ITSN1: variants seen among roughly 807,000 people sequenced by gnomAD.
The protein encoded by ITSN1 is intersectin-1.
A neutral mutation model predicts 239.8 loss-of-function variants in ITSN1; 58 were observed. The ratio of observed to expected loss-of-function variants is 0.24; its 90% CI spans 0.20 to 0.30. ITSN1 has a LOEUF of 0.30. ITSN1 is among the 10% of genes least tolerant of loss of function. ITSN1 has a pLI of 1.00. For missense variants in ITSN1, 1,558 were observed against 2,103.3 expected (o/e 0.74, Z 5.07); for synonymous variants, 780 against 770.8 (o/e 1.01, Z -0.20).
Position 33,794,466 on chromosome 21 carries a change from A to C in ITSN1, c.1950A>C (p.Gln650His), listed in dbSNP as rs1160518695. The stretch of plus-strand genomic sequence containing the variant: ...TAGAAAAACAAAAAGAAGAAGCCCA[A>C]AGGTGAGTCTTCTTTGGATTGTGGA... ...IELEKQKEEA[Q>H]RRAQERDKQW... The change falls in exon 17 of 40, where the codon CAA becomes CAC. Residue 650 changes from glutamine (Q) to histidine (H), a missense_variant and splice_region_variant. By Grantham distance (24) the Gln-to-His change is conservative. Around this residue, in one of 2 missense-constraint regions of ITSN1, gnomAD observed 982 missense variants for 1,209.9 expected, o/e 0.81. Coordinates refer to ENST00000381318, the MANE Select transcript of ITSN1 (RefSeq NM_003024.3). 16 of 1,610,652 alleles carry C rather than the reference A, an allele frequency of 9.9e-6. No individual in the cohort carries two copies. The highest frequency in any genetic ancestry group is 1.3e-5 in the Non-Finnish European group (15 of 1,178,980).
At chr21:33,705,648 T>A (rs1164925343) in intron 1 of ITSN1, among the ~76,000 whole-genome samples, 1 of 152,118 alleles carries the variant, frequency 6.6e-6, no homozygotes, top group Non-Finnish European at 1.5e-5. Context: ...CGCCTCAGCC[T>A]CCCAAAGTGC....
intron 1 of ITSN1, among the ~76,000 whole-genome samples, chr21:33,714,799 T>C (rs1003990583): frequency 1.3e-5 from 2 of 152,194 alleles, no homozygotes; most frequent in Non-Finnish European, 1.5e-5. Context: ...TGTTGCATAG[T>C]ATTATGTATA....
chr21:33,856,439 G>C (rs1979358181), intron 29 of ITSN1, among the ~76,000 whole-genome samples: 1 of 152,202 alleles, frequency 6.6e-6, no homozygotes, highest in Admixed American at 6.5e-5. Context: ...GGTTCTGCCT[G>C]TCTGTCTCTG....
chr21:33,738,891 C>T (rs1237180401), intron 5 of ITSN1, among the ~76,000 whole-genome samples: 2 of 151,966 alleles, frequency 1.3e-5, no homozygotes, highest in Admixed American at 6.6e-5. Context: ...AACTCCTAGG[C>T]TCAAGCGTTC....
intron 1 of ITSN1, among the ~76,000 whole-genome samples, chr21:33,672,983 A>G (rs1381363627): frequency 1.3e-5 from 2 of 152,176 alleles, no homozygotes; most frequent in African/African-American, 2.4e-5. Context: ...TGGTAGGATT[A>G]CGGGCGGGAG....
intron 1 of ITSN1, among the ~76,000 whole-genome samples, chr21:33,685,148 C>G (rs532421211): frequency 1.3e-5 from 2 of 152,238 alleles, no homozygotes; most frequent in African/African-American, 4.8e-5. Flanking sequence ...CAATAGAAAC[C>G]ATTTACTCTT....
intron 16 of ITSN1, among the ~76,000 whole-genome samples, chr21:33,789,452 G>A (rs1021686348): frequency 1.1e-4 from 17 of 152,064 alleles, no homozygotes; most frequent in African/African-American, 3.9e-4. Flanking sequence ...ATTAAGTTAT[G>A]TTTGTTTTTG....
chr21:33,682,088 T>C (rs1438494411), intron 1 of ITSN1, among the ~76,000 whole-genome samples: 1 of 151,990 alleles, frequency 6.6e-6, no homozygotes, highest in East Asian at 1.9e-4. Flanking sequence ...AAAAACTACA[T>C]ACTAATTACA....
chr21:33,672,411 T>C (rs2090342274), intron 1 of ITSN1, among the ~76,000 whole-genome samples: 2 of 152,210 alleles, frequency 1.3e-5, no homozygotes, highest in Middle Eastern at 6.8e-3. Context: ...GAAGTACAAA[T>C]GAAACCACAA....
chr21:33,759,985 C>G (rs1159024163), intron 8 of ITSN1, among the ~76,000 whole-genome samples: 3 of 151,924 alleles, frequency 2.0e-5, no homozygotes, highest in Admixed American at 6.6e-5. Context: ...TGCCTGTAGT[C>G]CCAGCTATTC....
Position 33,890,683 on chromosome 21 carries a change from G to T in ITSN1, c.*2383G>T, listed in dbSNP as rs1356832344. On this transcript the variant is annotated 3_prime_UTR_variant, in exon 40 of 40. Coordinates refer to ENST00000381318, the MANE Select transcript of ITSN1 (RefSeq NM_003024.3). ...GATTGAGAAACATGGGTGATGCATG[G>T]AGTCTCAAACCATTGGGCCTCTCTG... The T allele has an allele frequency of 1.3e-5, 2 of 152,138 alleles. No homozygotes were observed. The highest frequency in any genetic ancestry group is 4.8e-5 in the African/African-American group (2 of 41,420). The allele number at this position is 152,138 out of a possible 1,614,324, so 9.4% of individuals were successfully genotyped here.
chr21:33,705,028 G>A (rs1459755031), intron 1 of ITSN1, among the ~76,000 whole-genome samples: 3 of 149,918 alleles, frequency 2.0e-5, no homozygotes, highest in East Asian at 2.0e-4. Context: ...GGAGAATGGC[G>A]TGAACCTGGG....
chr21:33,687,009 G>C (rs971778242), intron 1 of ITSN1, among the ~76,000 whole-genome samples: 1 of 152,088 alleles, frequency 6.6e-6, no homozygotes, highest in Non-Finnish European at 1.5e-5. Flanking sequence ...TTTTCTTTTG[G>C]TTAACTTTAT....
rs976222946 is a variant in ITSN1, at chr21:33,743,536, A to T, written c.347-6607A>T. On this transcript the variant is annotated intron_variant, in intron 5 of 39. Transcript: ENST00000381318. ...AAACAGTAACAAGTATTTAAGACAA[A>T]GAAGATTGAATGTATGGGCAGCAGG... Among the ~76,000 whole-genome samples, 23 of 73,654 alleles carry T rather than the reference A, an allele frequency of 3.1e-4. No homozygotes were observed. The East Asian group carries it at 0.02, about 64-fold the overall frequency. 48.3% of individuals were successfully genotyped at this position (73,654 alleles called of 152,430 possible). A position where few individuals can be genotyped will look rare whatever the true frequency, so the allele number is the denominator to read the frequency against.
chr21:33,789,536 G>A (rs16990855), intron 16 of ITSN1, among the ~76,000 whole-genome samples: 7,697 of 152,168 alleles, frequency 0.051, 251 homozygotes, highest in African/African-American at 0.1. Flanking sequence ...ATCTAAATCA[G>A]TAAATACATT....
chr21:33,681,555 CAAAAG>C (rs2090955120), intron 1 of ITSN1, among the ~76,000 whole-genome samples: 1 of 151,390 alleles, frequency 6.6e-6, no homozygotes, highest in Non-Finnish European at 1.5e-5. Context: ...TCTCAAAAAA[CAAAAG>C]AAAGTAAACA....
At chr21:33,727,823 A>G (rs1446927798) in intron 4 of ITSN1, among the ~76,000 whole-genome samples, 1 of 151,936 alleles carries the variant, frequency 6.6e-6, no homozygotes, top group Non-Finnish European at 1.5e-5. Context: ...GCATTTACGG[A>G]CTTTATCCCC....
chr21:33,762,269 TC>T (rs1053589763), intron 9 of ITSN1, among the ~76,000 whole-genome samples: 1 of 151,684 alleles, frequency 6.6e-6, no homozygotes, highest in Non-Finnish European at 1.5e-5. Flanking sequence ...GATTTCTTTT[TC>T]TTTTTTTTTT....
intron 1 of ITSN1, among the ~76,000 whole-genome samples, chr21:33,648,388 G>T (rs2088177285): frequency 6.6e-6 from 1 of 152,160 alleles, no homozygotes; most frequent in African/African-American, 2.4e-5. Context: ...AAAACTCTTA[G>T]CCTGTTTCCT....
Sources: allele counts gnomAD v4.1 joint callset (sites outside exome capture counted in the v4.1 genomes callset), GRCh38; gene constraint gnomAD v4.1.1; regional missense constraint gnomAD v4.1.1; transcripts MANE v1.5; gene names NCBI Gene and HGNC (gene_info 2026-07-23, HGNC 2026-07-21).